CACUL1: variants seen among roughly 807,000 people sequenced by gnomAD.
CACUL1 encodes the protein CDK2-associated and cullin domain-containing protein 1.
A neutral mutation model predicts 45.2 loss-of-function variants in CACUL1; 13 were observed. That is an observed-to-expected ratio of 0.29 (90% CI 0.19 to 0.46). The LOEUF (loss-of-function observed/expected upper bound fraction) is 0.46. Ranked by LOEUF, CACUL1 falls within the 20% of genes least tolerant of loss-of-function variation. The pLI is 1.00. For missense variants in CACUL1, 421 were observed against 471.4 expected (o/e 0.89, Z 0.99); for synonymous variants, 197 against 174.2 (o/e 1.13, Z -1.03).
rs767153416 is a variant in CACUL1, at chr10:118,682,286, AT to A, written c.*3841del. 1.3e-5 allele frequency: 2 copies of A among 152,230 alleles called. No individual in the cohort carries two copies. Among genetic ancestry groups the A allele is most frequent in the Non-Finnish European group, 2.9e-5 (2 of 68,032 alleles). 9.4% of individuals were successfully genotyped at this position (152,230 alleles called of 1,614,324 possible). ...CAGTATCTCAGATTAGTGTATGTTC[AT>A]AAAACAATGCTCAGTTATTTTAATA... On this transcript the variant is annotated 3_prime_UTR_variant, in exon 9 of 9. Transcript: ENST00000369151.
chr10:118,685,818 G>A lies in CACUL1; in HGVS notation c.*310C>T. 4.2e-6 allele frequency: 1 copy of A among 235,530 alleles called. No individual in the cohort carries two copies. The highest frequency in any genetic ancestry group is 8.1e-6 in the Non-Finnish European group (1 of 122,924). The allele number at this position is 235,530 out of a possible 1,614,324, so 14.6% of individuals were successfully genotyped here. A position where few individuals can be genotyped will look rare whatever the true frequency, so the allele number is the denominator to read the frequency against. On this transcript the variant is annotated 3_prime_UTR_variant, in exon 9 of 9. Transcript: ENST00000369151. ...TCTTATATTTTTGGAGGAAGCTGCT[G>A]ATTTTGGCTGTCAGATTTCACTTAG...
At chr10:118,702,462 G>A (rs1224047003) in intron 4 of CACUL1, among the ~76,000 whole-genome samples, 1 of 152,034 alleles carries the variant, frequency 6.6e-6, no homozygotes, top group African/African-American at 2.4e-5. Context: ...CTTATTTCTG[G>A]AGTTTTATTA....
At chr10:118,744,894 T>A (rs1845826887) in intron 1 of CACUL1, among the ~76,000 whole-genome samples, 1 of 152,054 alleles carries the variant, frequency 6.6e-6, no homozygotes, top group Non-Finnish European at 1.5e-5. Context: ...GACCTTGTGA[T>A]TCACCCACCT....
At chr10:118,730,579 C>A (rs1441951531) in intron 1 of CACUL1, among the ~76,000 whole-genome samples, 169 bp from the exon 2 acceptor site, 1 of 152,154 alleles carries the variant, frequency 6.6e-6, no homozygotes, top group African/African-American at 2.4e-5. Context: ...GCAACCTGGT[C>A]AAGGATGTTA....
At chr10:118,723,068 A>G (rs550144823) in intron 3 of CACUL1, among the ~76,000 whole-genome samples, 104 of 152,156 alleles carry the variant, frequency 6.8e-4, no homozygotes, top group African/African-American at 2.5e-3. Flanking sequence ...AACAGTACCA[A>G]TCTGAAATTG....
At chr10:118,754,015 G>C (rs1845926000) in intron 1 of CACUL1, among the ~76,000 whole-genome samples, 1 of 152,200 alleles carries the variant, frequency 6.6e-6, no homozygotes, top group Non-Finnish European at 1.5e-5. Context: ...TCCCTAACGA[G>C]ACTCAGGCAG....
intron 3 of CACUL1, among the ~76,000 whole-genome samples, chr10:118,718,994 A>C (rs1247927447): frequency 2.0e-5 from 3 of 152,258 alleles, no homozygotes; most frequent in Non-Finnish European, 4.4e-5. Flanking sequence ...CCCACTGTCA[A>C]GAATTATGTC....
In CACUL1 at chr10:118,695,191, G is replaced by A; in HGVS notation, c.836C>T (p.Thr279Ile). 1 of 1,609,678 alleles carries A rather than the reference G, an allele frequency of 6.2e-7. No individual in the cohort carries two copies. The highest frequency in any genetic ancestry group is 8.5e-7 in the Non-Finnish European group (1 of 1,176,058). ...LEAQSTPFQV[T>I]PSTMANIVKG... ...CACAATATTTGCCATAGTTGAAGGTGTGACCTGAAATGGTGTTGACTGGGC... is the reference window on the plus strand; with the variant it reads ...CACAATATTTGCCATAGTTGAAGGTATGACCTGAAATGGTGTTGACTGGGC... The change falls in exon 6 of 9, where the codon ACA (threonine) becomes ATA (isoleucine). Residue 279 changes from threonine to isoleucine, a missense_variant. Transcript: ENST00000369151.
intron 1 of CACUL1, among the ~76,000 whole-genome samples, chr10:118,733,685 C>T (rs935801684): frequency 3.3e-5 from 5 of 152,200 alleles, no homozygotes; most frequent in African/African-American, 1.2e-4. Flanking sequence ...TAATCACTTT[C>T]AACTTTGCCC....
intron 3 of CACUL1, among the ~76,000 whole-genome samples, chr10:118,709,784 TC>T (rs1422586034): frequency 1.3e-5 from 2 of 152,248 alleles, no homozygotes; most frequent in African/African-American, 4.8e-5. Context: ...AACTCATATT[TC>T]AGTTCTACTT....
intron 3 of CACUL1, among the ~76,000 whole-genome samples, 160 bp from the exon 4 acceptor site, chr10:118,707,747 T>A (rs929562594): frequency 6.6e-6 from 1 of 151,794 alleles, no homozygotes. Flanking sequence ...AGGTAAGACT[T>A]CCACCTTTGT....
chr10:118,703,116 C>G (rs374110730), intron 4 of CACUL1, among the ~76,000 whole-genome samples: 1 of 152,152 alleles, frequency 6.6e-6, no homozygotes, highest in East Asian at 1.9e-4. Flanking sequence ...ACACGTTTCT[C>G]TCTTTAAAAA....
At chr10:118,699,412 T>C (rs1295570014) in intron 5 of CACUL1, among the ~76,000 whole-genome samples, 5 of 152,252 alleles carry the variant, frequency 3.3e-5, no homozygotes, top group Non-Finnish European at 5.9e-5. Flanking sequence ...TCTGGACTAC[T>C]ATATTCTCTC....
At chr10:118,745,939 C>T (rs542727424) in intron 1 of CACUL1, among the ~76,000 whole-genome samples, 1 of 150,604 alleles carries the variant, frequency 6.6e-6, no homozygotes, top group Admixed American at 6.6e-5. Flanking sequence ...GAGATCGAGA[C>T]CATCCTGGCT....
chr10:118,700,716 C>CAAAAAA (rs59032746), intron 5 of CACUL1, among the ~76,000 whole-genome samples: 1,415 of 132,620 alleles, frequency 0.011, 34 homozygotes, highest in Non-Finnish European at 0.014. Flanking sequence ...GACTCCGTCT[C>CAAAAAA]AAAAAAAAAA....
chr10:118,696,117 G>A (rs1440138190), intron 5 of CACUL1, among the ~76,000 whole-genome samples: 2 of 152,150 alleles, frequency 1.3e-5, no homozygotes, highest in Non-Finnish European at 2.9e-5. Flanking sequence ...TACAATTTGA[G>A]TTATGTTTGA....
rs1186427219 is a variant in CACUL1 at position 118,686,164 on chromosome 10, G to GCTAT, written c.1070_1073dup (p.Ser358ArgfsTer2). On this transcript the variant is annotated stop_gained and frameshift_variant, in exon 9 of 9. Coordinates refer to ENST00000369151, the MANE Select transcript of CACUL1 (RefSeq NM_153810.5). LOFTEE classifies it high-confidence loss of function. Reference sequence around the variant, plus strand: ...CCCTGGAACTTGCACATGCTGACGAGCTATCTGAAAAAACATCAGAATAGG... The same window carrying GCTAT: ...CCCTGGAACTTGCACATGCTGACGAGCTATCTATCTGAAAAAACATCAGAATAGG... The GCTAT allele has an allele frequency of 1.2e-6, 2 of 1,612,042 alleles. No homozygotes were observed. The highest frequency in any genetic ancestry group is 2.7e-5 in the African/African-American group (2 of 74,798).
chr10:118,697,915 G>C (rs1469994917), intron 5 of CACUL1, among the ~76,000 whole-genome samples: 1 of 152,094 alleles, frequency 6.6e-6, no homozygotes. Flanking sequence ...GCCAAAAATA[G>C]AAGCCACTTT....
In CACUL1 at chr10:118,736,343, T is replaced by C. The variant is rs866166933; in HGVS notation, c.368-5933A>G. On this transcript the variant is annotated intron_variant, in intron 1 of 8. Coordinates refer to ENST00000369151, the MANE Select transcript of CACUL1 (RefSeq NM_153810.5). ...AGTTTTTTAAAACTTAAAAAGTTTA[T>C]AAAGTAAAAAAGTTACAGGAAGCTA... Among the ~76,000 whole-genome samples the C allele has an allele frequency of 2.0e-5, 3 of 152,296 alleles. No individual in the cohort carries two copies. The South Asian group carries it at 6.2e-4, about 32-fold the overall frequency.
Sources: gnomAD v4.1 joint callset for allele counts (sites outside exome capture counted in the v4.1 genomes callset) on GRCh38, gnomAD v4.1.1 for gene constraint, MANE v1.5 for transcripts, NCBI Gene and HGNC (gene_info 2026-07-23, HGNC 2026-07-21) for gene names.